Variants in PAX7 observed in about 807,000 individuals in gnomAD.
PAX7 encodes paired box protein Pax-7.
In PAX7, 18 loss-of-function variants were observed where a neutral mutation model predicts 50.7. The ratio of observed to expected loss-of-function variants is 0.36; its 90% confidence interval spans 0.25 to 0.53. PAX7 has a LOEUF of 0.53. Among genes scored for constraint, PAX7 ranks in the 20% least tolerant of loss-of-function variants. The probability of loss-of-function intolerance (pLI) is 0.93; values close to 1 mark genes in which losing one functional copy is unlikely to be tolerated. For synonymous variants in PAX7, 310 were observed against 290.4 expected, an observed-to-expected ratio of 1.07 and a Z score of -0.69; for missense variants, 644 against 702.9, an observed-to-expected ratio of 0.92 and a Z score of 0.95.
intron 4 of PAX7, among the ~76,000 whole-genome samples, chr1:18,671,187 G>A (rs1414825714): frequency 1.3e-5 from 2 of 152,178 alleles, no homozygotes; most frequent in East Asian, 3.9e-4. Context: ...AGGCAATTCG[G>A]GAGAGGACTA....
At chr1:18,736,074 C>A in intron 8 of PAX7, 196 bp downstream of exon 8, 1 of 972,710 alleles carries the variant, frequency 1.0e-6, no homozygotes, top group South Asian at 1.5e-5. Context: ...CAGGACATCT[C>A]CTGGCTAAGC....
At chr1:18,635,628 G>C (rs911538502) in intron 3 of PAX7, among the ~76,000 whole-genome samples, 3 of 152,080 alleles carry the variant, frequency 2.0e-5, no homozygotes, top group Non-Finnish European at 2.9e-5. Context: ...CCCCCTGGAG[G>C]CTTTTTCGGA....
At chr1:18,671,553 G>C (rs895013048) in intron 4 of PAX7, among the ~76,000 whole-genome samples, 5 of 152,110 alleles carry the variant, frequency 3.3e-5, no homozygotes, top group Non-Finnish European at 2.9e-5. Context: ...TGGGCCCTGG[G>C]AGGACGACCT....
At chr1:18,644,494 T>C (rs1348769687) in intron 4 of PAX7, among the ~76,000 whole-genome samples, 1 of 152,114 alleles carries the variant, frequency 6.6e-6, no homozygotes, top group African/African-American at 2.4e-5. Flanking sequence ...AACCTTGCCA[T>C]TTACATACTT....
At chr1:18,741,439 GACT>G (rs1329309294) in intron 8 of PAX7, among the ~76,000 whole-genome samples, 8 of 147,696 alleles carry the variant, frequency 5.4e-5, no homozygotes, top group Non-Finnish European at 1.0e-4. Flanking sequence ...GACAGAGTGA[GACT>G]CCGTCTCAAA....
intron 8 of PAX7, among the ~76,000 whole-genome samples, 155 bp from the exon 9 acceptor site, chr1:18,744,659 C>CAGAT (rs142874250): frequency 1.1e-5 from 1 of 90,914 alleles, no homozygotes; most frequent in Non-Finnish European, 2.2e-5. Flanking sequence ...GTAGACAGGA[C>CAGAT]GGATGGATGG....
intron 4 of PAX7, among the ~76,000 whole-genome samples, chr1:18,638,046 G>A (rs2088190822): frequency 6.6e-6 from 1 of 152,376 alleles, no homozygotes; most frequent in African/African-American, 2.4e-5. Flanking sequence ...GTTGTGGAGG[G>A]GAGGCATAGA....
chr1:18,683,004 G>A (rs924935366), intron 4 of PAX7, among the ~76,000 whole-genome samples: 23 of 152,188 alleles, frequency 1.5e-4, no homozygotes, highest in Non-Finnish European at 5.9e-5. Context: ...CCAGGACAGG[G>A]GAGTACCTGT....
rs114198384 is a variant in PAX7 at position 18,649,859 on chromosome 1, T to C, written c.586+13488T>C. Among the ~76,000 whole-genome samples the C allele has an allele frequency of 2.6e-3, 393 of 152,376 alleles. 2 individuals carry two copies. Among genetic ancestry groups the C allele is most frequent in the African/African-American group, 9.2e-3 (382 of 41,592 alleles). ...CTGAGCACTAACTGCTGTGTCATTC[T>C]GGAAGAGCCGCTTCATGTCTCTGGC... On this transcript the variant is annotated intron_variant, in intron 4 of 8. Transcript: ENST00000420770.
rs559446030 is a variant in PAX7, at chr1:18,634,079, A to G, written c.86-224A>G. On this transcript the variant is annotated intron_variant, in intron 1 of 8. Coordinates refer to ENST00000420770, the MANE Select transcript of PAX7 (RefSeq NM_001135254.2). This position sits in a 1 kb window ranked among gnomAD's most constrained non-coding sequence, Gnocchi z 4.0. ...ACACAGCATCTGGGGAGACTCTTGC[A>G]GCTGTGACTCCTCTATCCATCTCTG... Among the ~76,000 whole-genome samples, 28 of 152,316 alleles carry G rather than the reference A, an allele frequency of 1.8e-4. No homozygotes were observed. The highest frequency in any genetic ancestry group is 1.6e-3 in the Admixed American group (25 of 15,304).
intron 7 of PAX7, among the ~76,000 whole-genome samples, chr1:18,729,852 G>A (rs1392377153): frequency 1.3e-5 from 2 of 152,170 alleles, no homozygotes; most frequent in East Asian, 1.9e-4. Context: ...CAGCTTCTGC[G>A]TGGGGACAGA....
chr1:18,743,971 C>T (rs1259258975), intron 8 of PAX7, among the ~76,000 whole-genome samples: 1 of 152,162 alleles, frequency 6.6e-6, no homozygotes, highest in Non-Finnish European at 1.5e-5. Flanking sequence ...TTCAGTTGTT[C>T]ACACACACAA....
chr1:18,666,211 G>T (rs1031005819), intron 4 of PAX7, among the ~76,000 whole-genome samples: 1 of 152,220 alleles, frequency 6.6e-6, no homozygotes, highest in Non-Finnish European at 1.5e-5. Flanking sequence ...TCCCCAGGCT[G>T]TGCCCATCTA....
intron 8 of PAX7, among the ~76,000 whole-genome samples, chr1:18,738,346 G>A (rs1373393183): frequency 1.3e-5 from 2 of 152,138 alleles, no homozygotes; most frequent in Non-Finnish European, 2.9e-5. Flanking sequence ...CCCGGCCTGG[G>A]GCAGGCGTTA....
At chr1:18,736,199 T>A in intron 8 of PAX7, 1 of 577,946 alleles carries the variant, frequency 1.7e-6, no homozygotes, top group Non-Finnish European at 3.1e-6. Flanking sequence ...GCGTGGTGGC[T>A]CATGCCTGTA....
At chr1:18,740,407 A>G (rs1372754668) in intron 8 of PAX7, among the ~76,000 whole-genome samples, 1 of 152,212 alleles carries the variant, frequency 6.6e-6, no homozygotes, top group African/African-American at 2.4e-5. Flanking sequence ...CAGAGGCACA[A>G]GCAGGACCAA....
In PAX7 at chr1:18,746,756, T is replaced by C; in HGVS notation, c.*1827T>C. 1 of 231,990 alleles carries C rather than the reference T, an allele frequency of 4.3e-6. No individual in the cohort carries two copies. Among genetic ancestry groups the C allele is most frequent in the African/African-American group, 2.2e-5 (1 of 45,390 alleles). 14.4% of individuals were successfully genotyped at this position (231,990 alleles called of 1,614,324 possible). ...CTGGGAAGCTGGGTTGGCAAGATTCTAGGACACTCACCTGCATGGACATCA... is the reference window on the plus strand; with the variant it reads ...CTGGGAAGCTGGGTTGGCAAGATTCCAGGACACTCACCTGCATGGACATCA... On this transcript the variant is annotated 3_prime_UTR_variant, in exon 9 of 9. Transcript: ENST00000420770.
intron 7 of PAX7, among the ~76,000 whole-genome samples, chr1:18,710,001 C>T (rs185082709): frequency 1.6e-4 from 24 of 152,350 alleles, no homozygotes; most frequent in East Asian, 1.9e-4. Context: ...CTCCTGGGTG[C>T]GTCTTAACAG....
intron 4 of PAX7, among the ~76,000 whole-genome samples, chr1:18,640,899 C>A (rs1437693965): frequency 7.1e-6 from 1 of 140,108 alleles, no homozygotes; most frequent in Non-Finnish European, 1.5e-5. Flanking sequence ...AACGTCCCGG[C>A]GGAGGGGGCT....
Sources: gnomAD v4.1 joint callset for allele counts (sites outside exome capture counted in the v4.1 genomes callset) on GRCh38, gnomAD v4.1.1 for gene constraint, Gnocchi (gnomAD v3.1) non-coding constraint, MANE v1.5 for transcripts, NCBI Gene and HGNC (gene_info 2026-07-23, HGNC 2026-07-21) for gene names.